Variants in INTS3 observed in about 807,000 individuals in gnomAD.
INTS3 encodes the protein integrator complex subunit 3, also known as SOSS complex subunit A.
In INTS3, 34 loss-of-function variants were observed where a neutral mutation model predicts 146.3. The ratio of observed to expected loss-of-function variants is 0.23; its 90% CI spans 0.18 to 0.31. The LOEUF (loss-of-function observed/expected upper bound fraction) is 0.31, where lower values mean the gene tolerates loss of function less well. Among genes scored for constraint, INTS3 ranks in the 10% least tolerant of loss-of-function variants. INTS3 has a pLI of 1.00. For synonymous variants in INTS3, 475 were observed against 494.9 expected (o/e 0.96, Z 0.53); for missense variants, 757 against 1,304.2 (o/e 0.58, Z 6.46).
intron 12 of INTS3, 61 bp downstream of exon 12, chr1:153,760,451 C>T (rs1025441348): frequency 6.6e-5 from 91 of 1,376,938 alleles, no homozygotes; most frequent in Non-Finnish European, 8.9e-5. Context: ...GTGTATCTCC[C>T]CTAATCTCCC....
At chr1:153,761,339 G>A (rs141555220) in intron 13 of INTS3, 25 of 499,160 alleles carry the variant, frequency 5.0e-5, no homozygotes, top group African/African-American at 2.9e-4. Context: ...GGCAAAACCC[G>A]TGTCTACTAA....
chr1:153,760,037 C>T, intron 11 of INTS3: 1 of 542,638 alleles, frequency 1.8e-6, no homozygotes, highest in South Asian at 2.5e-5. Flanking sequence ...CAGAGCCATT[C>T]ATGTATATTG....
chr1:153,739,699 C>A (rs1031934622), intron 1 of INTS3, among the ~76,000 whole-genome samples: 2 of 149,848 alleles, frequency 1.3e-5, no homozygotes, highest in Non-Finnish European at 1.5e-5. Flanking sequence ...GAACTCCTGA[C>A]CTCGGGTGAT....
intron 7 of INTS3, among the ~76,000 whole-genome samples, chr1:153,751,798 C>T (rs1671964768): frequency 6.6e-6 from 1 of 152,194 alleles, no homozygotes; most frequent in South Asian, 2.1e-4. Context: ...TTAAAATTCA[C>T]TTCTCTAGTT....
chr1:153,769,947 T>C (rs1672751438), intron 23 of INTS3, 103 bp downstream of exon 23: 3 of 878,410 alleles, frequency 3.4e-6, no homozygotes, highest in Non-Finnish European at 5.7e-6. Flanking sequence ...GGCTGGGAAG[T>C]TAAGGGGAGA....
chr1:153,745,676 G>A (rs532966676), intron 3 of INTS3, among the ~76,000 whole-genome samples: 5 of 152,028 alleles, frequency 3.3e-5, no homozygotes, highest in South Asian at 4.2e-4. Context: ...AAAAACTAAG[G>A]GGGGAAGGGA....
chr1:153,770,459 C>T, intron 24 of INTS3, 148 bp downstream of exon 24: 1 of 704,120 alleles, frequency 1.4e-6, no homozygotes, highest in Admixed American at 2.3e-5. Context: ...CTCTGTCAGC[C>T]ACTTTTGTTC....
At position 153,760,867 on chromosome 1, in the gene INTS3, G is replaced by T; in HGVS notation, c.1358G>T (p.Arg453Leu). ...TATCCACCATTGGAGGGCCACGTGC[G>T]GCAGGGTGTCTTTTCCTCCCTCAAC... The part of the protein sequence containing the change: ...NFYPPLEGHV[R>L]QGVFSSLNHI... Residue 453 changes from arginine (R) to leucine (L), a missense_variant, in exon 13 of 30, where the codon CGG (arginine) becomes CTG (leucine). Arg to Leu is a moderately radical substitution (Grantham distance 102). Transcript: ENST00000318967. 1.2e-6 allele frequency: 2 copies of T among 1,614,148 alleles called. No individual in the cohort carries two copies. The highest frequency in any genetic ancestry group is 1.7e-6 in the Non-Finnish European group (2 of 1,180,018).
intron 1 of INTS3, among the ~76,000 whole-genome samples, chr1:153,731,960 T>G (rs1431554014): frequency 7.7e-6 from 1 of 129,810 alleles, no homozygotes; most frequent in African/African-American, 3.1e-5. Flanking sequence ...CAGGCTGGAG[T>G]GCAGTGGCGC....
chr1:153,732,388 T>C (rs577173235), intron 1 of INTS3, among the ~76,000 whole-genome samples: 2 of 152,278 alleles, frequency 1.3e-5, no homozygotes, highest in Admixed American at 1.3e-4. Flanking sequence ...GACTCATGGT[T>C]GTGGAATACT....
rs200019791 is a variant in INTS3, at chr1:153,772,737, T to C, written c.2894+26T>C. On this transcript the variant is annotated intron_variant, in intron 28 of 29. Transcript: ENST00000318967. The surrounding 1 kb of genome is among the most constrained non-coding windows in gnomAD (Gnocchi z 4.6). ...GTGAGGCTCCTGCCACTTTGGGCCT[T>C]GGAAAGTAGTAGGGGAAAAGCCTAA... is the stretch of plus-strand genomic sequence containing the variant. The C allele has an allele frequency of 3.1e-6, 5 of 1,610,490 alleles. No homozygotes were observed. The Admixed American group carries it at 8.4e-5, about 27-fold the overall frequency.
intron 2 of INTS3, 151 bp downstream of exon 2, chr1:153,740,885 T>C: frequency 1.5e-6 from 1 of 688,358 alleles, no homozygotes; most frequent in Non-Finnish European, 2.6e-6. Context: ...TTCTTCTCTT[T>C]TACTGTGGGA....
chr1:153,748,582 A>G (rs1671839569), intron 5 of INTS3, 107 bp from the exon 6 acceptor site: 2 of 862,434 alleles, frequency 2.3e-6, no homozygotes, highest in Admixed American at 3.4e-5. Flanking sequence ...AAGGGATGGC[A>G]GTAATGGGAT....
At chr1:153,767,006 G>A (rs149403727) in intron 20 of INTS3, 33 of 152,172 alleles carry the variant, frequency 2.2e-4, no homozygotes, top group African/African-American at 7.0e-4. Flanking sequence ...CACCATACCC[G>A]GCCAACTTTC....
chr1:153,741,227 T>C, intron 2 of INTS3, 58 bp from the exon 3 acceptor site: 1 of 1,277,690 alleles, frequency 7.8e-7, no homozygotes, highest in East Asian at 2.3e-5. Flanking sequence ...AGAAACTGAG[T>C]TTGAGAACTT....
At chr1:153,767,397 C>G (rs1672630115) in intron 20 of INTS3, 1 of 366,308 alleles carries the variant, frequency 2.7e-6, no homozygotes, top group South Asian at 7.7e-5. Context: ...TGAGCCCTCC[C>G]TCTTCTGTTC....
chr1:153,746,556 G>A lies in INTS3; in HGVS notation c.319-401G>A, dbSNP rs192854884. Among the ~76,000 whole-genome samples, 34 of 152,246 alleles carry A rather than the reference G, an allele frequency of 2.2e-4. No individual in the cohort carries two copies. The East Asian group carries it at 2.7e-3, about 12-fold the overall frequency. On this transcript the variant is annotated intron_variant, in intron 3 of 29. Transcript: ENST00000318967. Reference sequence around the variant, plus strand: ...GCAGGGACTACAGGTGCCCGCCACCGTGCCCGGCTAATTTTTTTGTATTTT... The same window carrying A: ...GCAGGGACTACAGGTGCCCGCCACCATGCCCGGCTAATTTTTTTGTATTTT...
At chr1:153,742,505 T>TGTGTGTGTGTGTGTGTGTGTGTGC (rs1016595219) in intron 3 of INTS3, among the ~76,000 whole-genome samples, 28 of 151,922 alleles carry the variant, frequency 1.8e-4, no homozygotes, top group African/African-American at 6.0e-4. Context: ...TGTGTGTGTG[T>TGTGTGTGTGTGTGTGTGTGTGTGC]GTGCGTGCGC....
chr1:153,748,517 C>T, intron 5 of INTS3, 172 bp from the exon 6 acceptor site: 1 of 677,612 alleles, frequency 1.5e-6, no homozygotes, highest in Non-Finnish European at 2.7e-6. Flanking sequence ...TTTCTGGAGG[C>T]AAAGGGTGAA....
Sources: gnomAD v4.1 joint callset for allele counts (sites outside exome capture counted in the v4.1 genomes callset) on GRCh38, gnomAD v4.1.1 for gene constraint, Gnocchi (gnomAD v3.1) non-coding constraint, MANE v1.5 for transcripts, NCBI Gene and HGNC (gene_info 2026-07-23, HGNC 2026-07-21) for gene names.